Variants in ARHGAP29 observed in about 807,000 individuals in gnomAD.
ARHGAP29 encodes rho GTPase-activating protein 29.
ARHGAP29 carries 43 observed loss-of-function variants against 122.6 expected under a neutral mutation model. The ratio of observed to expected loss-of-function variants is 0.35; its 90% CI spans 0.27 to 0.45. ARHGAP29 has a LOEUF of 0.45. ARHGAP29 is among the 20% of genes least tolerant of loss of function. ARHGAP29 has a pLI of 1.00. For missense variants in ARHGAP29, 1,303 were observed against 1,477.2 expected (o/e 0.88, Z 1.93); for synonymous variants, 506 against 497.1 (o/e 1.02, Z -0.24).
At position 94,209,236 on chromosome 1, in the gene ARHGAP29, T is replaced by C; in HGVS notation, c.437+18A>G. 1 of 1,568,722 alleles carries C rather than the reference T, an allele frequency of 6.4e-7. No homozygotes were observed. The highest frequency in any genetic ancestry group is 8.7e-7 in the Non-Finnish European group (1 of 1,144,818). On this transcript the variant is annotated intron_variant, in intron 4 of 22. Transcript: ENST00000260526. The stretch of plus-strand genomic sequence containing the variant: ...GACACCTAGGACTAGTTGCTTTAAA[T>C]GACAGTTCTCTACTTACATATTTCC...
At chr1:94,203,908 C>T (rs1270476592) in intron 8 of ARHGAP29, 22 bp downstream of exon 8, 1 of 1,610,090 alleles carries the variant, frequency 6.2e-7, no homozygotes, top group Admixed American at 1.7e-5. Context: ...TATAGAACCC[C>T]CGAAGTTCAC....
In ARHGAP29 at chr1:94,215,040, A is replaced by T. The variant is rs1237257573; in HGVS notation, c.340+5218T>A. Among the ~76,000 whole-genome samples the T allele has an allele frequency of 3.3e-5, 5 of 151,342 alleles. No homozygotes were observed. In the East Asian group the frequency reaches 5.8e-4, roughly 18 times the overall value. ...CACAATCCACTAACTTGATGTCATG[A>T]GTCAGAGCCCATAGTTCAAAAACCA... On this transcript the variant is annotated intron_variant, in intron 3 of 22. Transcript: ENST00000260526.
At chr1:94,271,051 G>A (rs1266882340) in intron 1 of ARHGAP29, among the ~76,000 whole-genome samples, 1 of 152,198 alleles carries the variant, frequency 6.6e-6, no homozygotes, top group Non-Finnish European at 1.5e-5. Context: ...TGGCTGAGCT[G>A]GAGCCATCTC....
upstream of ARHGAP29, chr1:94,237,746 T>C (rs1005352124): frequency 1.0e-6 from 1 of 985,042 alleles, no homozygotes; most frequent in Non-Finnish European, 1.2e-6. Context: ...CGACCGTCAG[T>C]TGCGCGCGGC....
upstream of ARHGAP29, among the ~76,000 whole-genome samples, chr1:94,242,616 CAA>C (rs11320139): frequency 0.014 from 1,880 of 130,074 alleles, 34 homozygotes; most frequent in African/African-American, 0.045. Context: ...TTCAAAAAAT[CAA>C]AAAAAAAAAA....
chr1:94,269,877 G>A (rs561142405), intron 1 of ARHGAP29, among the ~76,000 whole-genome samples: 14 of 152,078 alleles, frequency 9.2e-5, no homozygotes, highest in Non-Finnish European at 1.8e-4. Flanking sequence ...TTGAAGCTCC[G>A]TTTACTGGGG....
At chr1:94,222,776 T>C (rs991356841) in intron 2 of ARHGAP29, among the ~76,000 whole-genome samples, 5 of 152,192 alleles carry the variant, frequency 3.3e-5, no homozygotes, top group African/African-American at 1.2e-4. Context: ...CTAAGAGATA[T>C]AAGATGTTAA....
At position 94,173,973 on chromosome 1, in the gene ARHGAP29, CAG is replaced by C; in HGVS notation, c.3680_3681del (p.Ser1227Ter). ...TTCACATCAGGCAAGCCAAGCTCCT[CAG>C]AGTCTTCTTTAGGTTGACCAGTTGC... ...GQATGQPKED[S>X]EELGLPDVNP... On this transcript the variant is annotated frameshift_variant, in exon 23 of 23. Coordinates refer to ENST00000260526, the MANE Select transcript of ARHGAP29 (RefSeq NM_004815.4). LOFTEE classifies it high-confidence loss of function. The C allele has an allele frequency of 3.1e-6, 5 of 1,614,226 alleles. No individual in the cohort carries two copies. The highest frequency in any genetic ancestry group is 4.2e-6 in the Non-Finnish European group (5 of 1,180,038).
At chr1:94,300,031 C>T in the ARHGAP29 span, among the ~76,000 whole-genome samples, 2 of 152,190 alleles carry the variant, frequency 1.3e-5, no homozygotes, top group Non-Finnish European at 2.9e-5. Flanking sequence ...TCTTATGAAA[C>T]ATGCACATAT....
intron 3 of ARHGAP29, among the ~76,000 whole-genome samples, chr1:94,211,597 T>C (rs1651625210): frequency 6.6e-6 from 1 of 152,156 alleles, no homozygotes; most frequent in African/African-American, 2.4e-5. Context: ...TAGACTATAT[T>C]ATGGGCCATA....
the ARHGAP29 span, among the ~76,000 whole-genome samples, chr1:94,296,205 G>A: frequency 6.6e-6 from 1 of 152,122 alleles, no homozygotes; most frequent in African/African-American, 2.4e-5. Context: ...TCCGGCCTGG[G>A]ACGTGAATCA....
At chr1:94,219,416 T>C (rs1354355368) in intron 3 of ARHGAP29, among the ~76,000 whole-genome samples, 1 of 152,082 alleles carries the variant, frequency 6.6e-6, no homozygotes, top group East Asian at 1.9e-4. Flanking sequence ...ACATCAACAA[T>C]TCCCAAGTCC....
chr1:94,224,797 G>T (rs1051669054), intron 2 of ARHGAP29, among the ~76,000 whole-genome samples: 1 of 152,148 alleles, frequency 6.6e-6, no homozygotes, highest in Non-Finnish European at 1.5e-5. Flanking sequence ...AGCACAAATG[G>T]TCTACGAACT....
At chr1:94,199,091 G>T (rs1038416211) in intron 12 of ARHGAP29, among the ~76,000 whole-genome samples, 5 of 152,132 alleles carry the variant, frequency 3.3e-5, no homozygotes, top group African/African-American at 1.2e-4. Flanking sequence ...GGGCCTGTCG[G>T]GGGGCTGGGC....
chr1:94,298,051 G>T, the ARHGAP29 span, among the ~76,000 whole-genome samples: 2 of 152,096 alleles, frequency 1.3e-5, no homozygotes, highest in Admixed American at 6.5e-5. Flanking sequence ...AAAGAATTTT[G>T]CTTGCTTATT....
intron 12 of ARHGAP29, chr1:94,195,016 T>C (rs746880364): frequency 4.6e-5 from 7 of 152,160 alleles, no homozygotes; most frequent in Non-Finnish European, 1.0e-4. Flanking sequence ...ATCAAGGCAA[T>C]GCAAGTTTCT....
chr1:94,220,018 T>C (rs1358047179), intron 3 of ARHGAP29, among the ~76,000 whole-genome samples: 2 of 152,208 alleles, frequency 1.3e-5, no homozygotes, highest in East Asian at 1.9e-4. Flanking sequence ...CATCAGTTGT[T>C]TGGTTAAAGT....
chr1:94,234,456 A>G (rs960334884), intron 1 of ARHGAP29, among the ~76,000 whole-genome samples: 6 of 152,220 alleles, frequency 3.9e-5, no homozygotes, highest in African/African-American at 1.4e-4. Flanking sequence ...AACTGAAATC[A>G]AAGTTGGATT....
chr1:94,194,793 T>C (rs1255635141), intron 12 of ARHGAP29: 1 of 152,212 alleles, frequency 6.6e-6, no homozygotes, highest in Non-Finnish European at 1.5e-5. Context: ...ACCAAGATTG[T>C]GAGGTTCTAA....
Sources: allele counts gnomAD v4.1 joint callset (sites outside exome capture counted in the v4.1 genomes callset), GRCh38; gene constraint gnomAD v4.1.1; transcripts MANE v1.5; gene names NCBI Gene and HGNC (gene_info 2026-07-23, HGNC 2026-07-21).